The following NOD2 variants were observed in gnomAD, a reference collection of about 807,000 sequenced individuals.
The protein encoded by NOD2 is nucleotide binding oligomerization domain containing 2, also known as nucleotide-binding oligomerization domain-containing protein 2.
A neutral mutation model predicts 90.9 loss-of-function variants in NOD2; 86 were observed. The observed-to-expected ratio is 0.95, with a 90% CI of 0.79 to 1.13. NOD2 has a LOEUF of 1.13. Among genes scored for constraint, NOD2 ranks in the 50% most tolerant of loss-of-function variants. The pLI is 0.00. For synonymous variants in NOD2, 581 were observed against 554.6 expected, an observed-to-expected ratio of 1.05 and a Z score of -0.67; for missense variants, 1,238 against 1,283.8, an observed-to-expected ratio of 0.96 and a Z score of 0.55.
rs1246357316 is a variant in NOD2 at position 50,732,541 on chromosome 16, A to C, written c.*722A>C. The C allele has an allele frequency of 6.5e-6, 1 of 153,016 alleles. No homozygotes were observed. Among genetic ancestry groups the C allele is most frequent in the East Asian group, 1.9e-4 (1 of 5,330 alleles). The allele number at this position is 153,016 out of a possible 1,614,324, so 9.5% of individuals were successfully genotyped here. On this transcript the variant is annotated 3_prime_UTR_variant, in exon 12 of 12. Coordinates refer to ENST00000647318, the MANE Select transcript of NOD2 (RefSeq NM_001370466.1). The stretch of plus-strand genomic sequence containing the variant: ...CCAAGACATTCTAGGTTTGCAAGAA[A>C]AATATGACCACACTCCAGCTGGGAT...
Position 50,731,862 on chromosome 16 carries a change from C to A in NOD2, c.*43C>A. 6.6e-7 allele frequency: 1 copy of A among 1,508,578 alleles called. No homozygotes were observed. The highest frequency in any genetic ancestry group is 9.2e-7 in the Non-Finnish European group (1 of 1,085,182). The allele number at this position is 1,508,578 out of a possible 1,614,324, so 93.4% of individuals were successfully genotyped here. Reference sequence around the variant, plus strand: ...TCGTCTCAGTTTGTTTGTGAGCAGGCTGTGAGTTTGGGCCCCAGAGGCTGG... The same window carrying A: ...TCGTCTCAGTTTGTTTGTGAGCAGGATGTGAGTTTGGGCCCCAGAGGCTGG... On this transcript the variant is annotated 3_prime_UTR_variant, in exon 12 of 12. Coordinates refer to ENST00000647318, the MANE Select transcript of NOD2 (RefSeq NM_001370466.1).
At chr16:50,698,218 T>C (rs1963751702) in intron 1 of NOD2, among the ~76,000 whole-genome samples, 1 of 152,210 alleles carries the variant, frequency 6.6e-6, no homozygotes, top group East Asian at 1.9e-4. Flanking sequence ...GAACTGACCA[T>C]GCTGAGAGAT....
chr16:50,731,961 A>C lies in NOD2; in HGVS notation c.*142A>C. On this transcript the variant is annotated 3_prime_UTR_variant, in exon 12 of 12. Transcript: ENST00000647318. ...GCTGAACTTGTTTTCTGGGAACACC[A>C]TAGGTCACCTTTATTCTGGCAGAGG... 1 of 705,828 alleles carries C rather than the reference A, an allele frequency of 1.4e-6. No homozygotes were observed. Among genetic ancestry groups the C allele is most frequent in the Non-Finnish European group, 2.6e-6 (1 of 387,272 alleles). The allele number at this position is 705,828 out of a possible 1,614,324, so 43.7% of individuals were successfully genotyped here.
intron 2 of NOD2, among the ~76,000 whole-genome samples, chr16:50,705,092 T>C (rs546483210): frequency 6.6e-6 from 1 of 152,314 alleles, no homozygotes; most frequent in African/African-American, 2.4e-5. Context: ...TCTTCTATTT[T>C]CCATCTCTGT....
chr16:50,721,450 T>A (rs1039410342), intron 7 of NOD2, among the ~76,000 whole-genome samples: 7 of 151,836 alleles, frequency 4.6e-5, no homozygotes, highest in Admixed American at 4.6e-4. Context: ...GGAATTTTTT[T>A]AGGTCATTAT....
At chr16:50,709,851 A>C (rs1964378185) in intron 3 of NOD2, 1 of 426,630 alleles carries the variant, frequency 2.3e-6, no homozygotes, top group Non-Finnish European at 4.7e-6. Flanking sequence ...ATTTTTTGAG[A>C]GTTTGCCATG....
intron 3 of NOD2, among the ~76,000 whole-genome samples, chr16:50,709,646 G>A (rs947211179): frequency 3.3e-5 from 5 of 152,110 alleles, no homozygotes; most frequent in African/African-American, 9.7e-5. Flanking sequence ...GTGACCCCGA[G>A]GCCTTCCCTT....
At chr16:50,713,115 G>A (rs1277025197) in intron 4 of NOD2, 3 of 154,604 alleles carry the variant, frequency 1.9e-5, no homozygotes, top group African/African-American at 7.2e-5. Flanking sequence ...GGCAGGCAAG[G>A]GCAGAGGGTG....
At chr16:50,700,990 A>G (rs1468700521) in intron 2 of NOD2, among the ~76,000 whole-genome samples, 1 of 152,178 alleles carries the variant, frequency 6.6e-6, no homozygotes, top group Non-Finnish European at 1.5e-5. Context: ...TTTTCTTCCA[A>G]ATAGTGATTC....
rs370728357 is a variant in NOD2, at chr16:50,711,252, C to T, written c.1260C>T (p.Phe420=). 19 of 1,613,806 alleles carry T rather than the reference C, an allele frequency of 1.2e-5. No individual in the cohort carries two copies. The highest frequency in any genetic ancestry group is 1.7e-5 in the Admixed American group (1 of 60,008). ...GCACCGAGTTCAACCTCAAGGGCTTCTCTGAACAGGGCATCGAGCTGTACC... is the reference window on the plus strand; with the variant it reads ...GCACCGAGTTCAACCTCAAGGGCTTTTCTGAACAGGGCATCGAGCTGTACC... ...YIRTEFNLKG[F]SEQGIELYLR... The change falls in exon 4 of 12, where the codon TTC becomes TTT. Residue 420 remains phenylalanine (F), a synonymous_variant. Coordinates refer to ENST00000647318, the MANE Select transcript of NOD2 (RefSeq NM_001370466.1).
In NOD2 at chr16:50,710,725, A is replaced by G; in HGVS notation, c.733A>G (p.Ser245Gly). Residue 245 changes from serine (S) to glycine (G), a missense_variant, in exon 4 of 12, where the codon AGC becomes GGC. Transcript: ENST00000647318. Reference sequence around the variant, plus strand: ...GGGCATGGCTGGACCCCCGCAGAAGAGCCCAGCCACCCTGGGCCTGGAGGA... The same window carrying G: ...GGGCATGGCTGGACCCCCGCAGAAGGGCCCAGCCACCCTGGGCCTGGAGGA... ...DVGMAGPPQK[S>G]PATLGLEELF... 1 of 1,613,764 alleles carries G rather than the reference A, an allele frequency of 6.2e-7. No individual in the cohort carries two copies. The highest frequency in any genetic ancestry group is 8.5e-7 in the Non-Finnish European group (1 of 1,179,778).
chr16:50,721,057 G>A (rs1474681228), intron 7 of NOD2, among the ~76,000 whole-genome samples: 2 of 151,384 alleles, frequency 1.3e-5, no homozygotes, highest in East Asian at 2.0e-4. Flanking sequence ...CGCCCGCCTC[G>A]GCCTCCCAAA....
chr16:50,711,314 G>A lies in NOD2; in HGVS notation c.1322G>A (p.Arg441His), dbSNP rs775728252. The A allele has an allele frequency of 1.1e-5, 17 of 1,613,468 alleles. No individual in the cohort carries two copies. The highest frequency in any genetic ancestry group is 6.7e-5 in the Admixed American group (4 of 60,016). The change falls in exon 4 of 12, where the codon CGC (arginine) becomes CAC (histidine). Residue 441 changes from arginine to histidine, a missense_variant. Coordinates refer to ENST00000647318, the MANE Select transcript of NOD2 (RefSeq NM_001370466.1). ...KRHHEPGVAD[R>H]LIRLLQETSA... is the part of the protein sequence containing the mutation. ...CATCATGAGCCCGGGGTGGCGGACC[G>A]CCTCATCCGCCTGCTCCAAGAGACC...
chr16:50,703,937 G>C (rs937553243), intron 2 of NOD2, among the ~76,000 whole-genome samples: 4 of 152,196 alleles, frequency 2.6e-5, no homozygotes, highest in African/African-American at 9.6e-5. Flanking sequence ...AATGGCCAGA[G>C]GAAGTGGGCT....
intron 7 of NOD2, among the ~76,000 whole-genome samples, chr16:50,722,341 A>C (rs886788025): frequency 6.6e-6 from 1 of 152,238 alleles, no homozygotes; most frequent in Non-Finnish European, 1.5e-5. Context: ...CTTGTCAGTG[A>C]GTTCCTGTCC....
At chr16:50,715,572 C>A (rs1360791118) in intron 4 of NOD2, 1 of 152,160 alleles carries the variant, frequency 6.6e-6, no homozygotes, top group Non-Finnish European at 1.5e-5. Flanking sequence ...CCTGCCACCA[C>A]GCCCGGCTAA....
chr16:50,725,666 A>G (rs1965240533), intron 10 of NOD2, 94 bp downstream of exon 10: 1 of 965,790 alleles, frequency 1.0e-6, no homozygotes, highest in South Asian at 1.3e-5. Flanking sequence ...CGCTGGGCTA[A>G]CTCATGTGAG....
intron 7 of NOD2, 35 bp downstream of exon 7, chr16:50,720,043 AG>A: frequency 6.3e-7 from 1 of 1,588,268 alleles, no homozygotes; most frequent in Non-Finnish European, 8.6e-7. Context: ...ACCTGCATGG[AG>A]GGGCTTGGGA....
chr16:50,718,512 G>A (rs1964900275), intron 6 of NOD2, among the ~76,000 whole-genome samples: 2 of 152,224 alleles, frequency 1.3e-5, no homozygotes, highest in Admixed American at 6.5e-5. Context: ...GTTGATTTCA[G>A]ATAACTGAAA....
Sources: gnomAD v4.1 joint callset for allele counts (sites outside exome capture counted in the v4.1 genomes callset) on GRCh38, gnomAD v4.1.1 for gene constraint, MANE v1.5 for transcripts, NCBI Gene and HGNC (gene_info 2026-07-23, HGNC 2026-07-21) for gene names.